The following UTRN variants were observed in gnomAD, a reference collection of about 807,000 sequenced individuals.
The protein encoded by UTRN is dystrophin-related protein 1.
A neutral mutation model predicts 463.9 loss-of-function variants in UTRN; 283 were observed. That is an observed-to-expected ratio of 0.61 (90% CI 0.55 to 0.67). The LOEUF is 0.67. Ranked by LOEUF, UTRN falls within the 30% of genes least tolerant of loss-of-function variation. The probability of loss-of-function intolerance (pLI) is 0.00; values close to 1 mark genes in which losing one functional copy is unlikely to be tolerated. For missense variants in UTRN, 3,922 were observed against 4,084.3 expected (o/e 0.96, Z 1.08); for synonymous variants, 1,442 against 1,431.5 (o/e 1.01, Z -0.17).
At chr6:144,516,157 C>A in intron 37 of UTRN, 72 bp from the exon 38 acceptor site, 1 of 1,461,322 alleles carries the variant, frequency 6.8e-7, no homozygotes, top group Non-Finnish European at 9.4e-7. Flanking sequence ...TCTCTTGACA[C>A]CCCATCTCTC....
At chr6:144,573,782 T>A (rs1486636984) in intron 50 of UTRN, among the ~76,000 whole-genome samples, 1 of 152,098 alleles carries the variant, frequency 6.6e-6, no homozygotes, top group East Asian at 1.9e-4. Flanking sequence ...GACTCAGGAA[T>A]ATGAAGGTAT....
At chr6:144,452,386 G>T (rs1402334840) in intron 18 of UTRN, among the ~76,000 whole-genome samples, 2 of 152,024 alleles carry the variant, frequency 1.3e-5, no homozygotes, top group African/African-American at 2.4e-5. Context: ...AAGTAATATG[G>T]GTTGCTCAGA....
intron 53 of UTRN, among the ~76,000 whole-genome samples, chr6:144,729,172 A>G (rs948238955): frequency 5.9e-5 from 9 of 152,166 alleles, no homozygotes; most frequent in African/African-American, 2.2e-4. Context: ...GGCTATCATG[A>G]GATTTTCTGG....
intron 50 of UTRN, among the ~76,000 whole-genome samples, chr6:144,561,786 C>A (rs1297513104): frequency 1.3e-5 from 2 of 152,152 alleles, no homozygotes; most frequent in East Asian, 1.9e-4. Context: ...TGTAAAAGTT[C>A]TTGGTAGGTA....
chr6:144,410,224 A>G (rs1283926077), intron 3 of UTRN, among the ~76,000 whole-genome samples: 4 of 152,128 alleles, frequency 2.6e-5, no homozygotes, highest in African/African-American at 7.2e-5. Flanking sequence ...CCTTTACACT[A>G]TCATAATCAG....
intron 2 of UTRN, among the ~76,000 whole-genome samples, chr6:144,336,710 C>T (rs189770736): frequency 1.1e-4 from 17 of 152,170 alleles, no homozygotes; most frequent in Admixed American, 3.9e-4. Context: ...AAAAATTACT[C>T]CCTCTTTCTT....
intron 2 of UTRN, among the ~76,000 whole-genome samples, chr6:144,292,879 A>AT (rs1292423698): frequency 1.3e-5 from 2 of 152,200 alleles, no homozygotes; most frequent in African/African-American, 4.8e-5. Flanking sequence ...AACTGTAGAA[A>AT]TACACAGTGA....
intron 2 of UTRN, among the ~76,000 whole-genome samples, chr6:144,393,526 A>T (rs1448584396): frequency 6.6e-6 from 1 of 152,208 alleles, no homozygotes; most frequent in Non-Finnish European, 1.5e-5. Context: ...TCCAGAAGAG[A>T]AATGGTAGAA....
chr6:144,596,763 T>C (rs1585470290), intron 51 of UTRN, among the ~76,000 whole-genome samples: 1 of 152,208 alleles, frequency 6.6e-6, no homozygotes, highest in African/African-American at 2.4e-5. Context: ...TTATTCTGTA[T>C]GCTTGAATAT....
chr6:144,461,361 G>A lies in UTRN; in HGVS notation c.2853+19G>A, dbSNP rs1382018355. On this transcript the variant is annotated intron_variant, in intron 22 of 74. Transcript: ENST00000367545. The stretch of plus-strand genomic sequence containing the variant: ...AAAAAAGGTAACATATATCTTCCAT[G>A]TTAGAACTCTAGCGCTTCTTCTAAT... 1 of 1,509,982 alleles carries A rather than the reference G, an allele frequency of 6.6e-7. No homozygotes were observed. Among genetic ancestry groups the A allele is most frequent in the Non-Finnish European group, 8.9e-7 (1 of 1,124,280 alleles). 93.5% of individuals were successfully genotyped at this position (1,509,982 alleles called of 1,614,324 possible). A position where few individuals can be genotyped will look rare whatever the true frequency, so the allele number is the denominator to read the frequency against.
intron 2 of UTRN, among the ~76,000 whole-genome samples, chr6:144,393,440 T>C (rs1263956204): frequency 6.6e-6 from 1 of 152,232 alleles, no homozygotes; most frequent in Non-Finnish European, 1.5e-5. Flanking sequence ...ACTTTGTATG[T>C]TGAAATCTTC....
At chr6:144,516,454 A>C in intron 38 of UTRN, 67 bp downstream of exon 38, 4 of 1,508,134 alleles carry the variant, frequency 2.7e-6, no homozygotes, top group Non-Finnish European at 3.6e-6. Flanking sequence ...TCATTTTTAC[A>C]TCAAGATGTT....
intron 25 of UTRN, 151 bp downstream of exon 25, chr6:144,474,910 G>GAT: frequency 1.2e-6 from 1 of 802,528 alleles, no homozygotes; most frequent in Non-Finnish European, 1.8e-6. Flanking sequence ...CAAAAAAAAA[G>GAT]GCATCATTTT....
rs1779938150 is a variant in UTRN at position 144,824,577 on chromosome 6, TA to T, written c.9495-2770del. On this transcript the variant is annotated intron_variant, in intron 66 of 74. Transcript: ENST00000367545. Reference sequence around the variant, plus strand: ...ATATTAATATAGCATTTTATTTATATATATATATATATATATATATATATAT... The same window carrying T: ...ATATTAATATAGCATTTTATTTATATTATATATATATATATATATATATAT... 1.9e-4 allele frequency among the ~76,000 whole-genome samples: 5 copies of T among 25,944 alleles called. 1 individual carries two copies. The highest frequency in any genetic ancestry group is 3.1e-3 in the East Asian group (2 of 638). The allele number at this position is 25,944 out of a possible 152,430, so 17.0% of individuals were successfully genotyped here.
rs150682783 is a variant in UTRN at position 144,681,248 on chromosome 6, C to T, written c.7652+2670C>T. ...GTAGGTGAAATAGACAGACGGGAGG[C>T]GGTGTCCAGAGACAGGTGGCAGGTA... On this transcript the variant is annotated intron_variant, in intron 52 of 74. Transcript: ENST00000367545. Among the ~76,000 whole-genome samples, 403 of 152,100 alleles carry T rather than the reference C, an allele frequency of 2.6e-3. 2 individuals carry two copies. Among genetic ancestry groups the T allele is most frequent in the African/African-American group, 9.0e-3 (375 of 41,504 alleles).
At position 144,573,698 on chromosome 6, in the gene UTRN, GAATAA is replaced by G. The variant is rs148232067; in HGVS notation, c.7290-3379_7290-3375del. The stretch of plus-strand genomic sequence containing the variant: ...GTGACAGAGCAAGACTCCATCTCTA[GAATAA>G]AATAAAATAAAATAAAATAAAGGAA... On this transcript the variant is annotated intron_variant, in intron 50 of 74. Transcript: ENST00000367545. Among the ~76,000 whole-genome samples, 20 of 149,984 alleles carry G rather than the reference GAATAA, an allele frequency of 1.3e-4. No homozygotes were observed. The East Asian group carries it at 1.6e-3, about 12-fold the overall frequency.
At chr6:144,299,449 AC>A (rs2114527523) in intron 2 of UTRN, among the ~76,000 whole-genome samples, 1 of 152,286 alleles carries the variant, frequency 6.6e-6, no homozygotes, top group African/African-American at 2.4e-5. Context: ...TTTTTCTTTT[AC>A]ACTGTATTTT....
At chr6:144,788,450 A>G (rs1227853743) in intron 61 of UTRN, among the ~76,000 whole-genome samples, 3 of 152,156 alleles carry the variant, frequency 2.0e-5, no homozygotes. Context: ...TTGTTTTTAG[A>G]TATATCACTA....
chr6:144,467,898 T>C (rs528651554), intron 23 of UTRN, among the ~76,000 whole-genome samples: 1 of 152,184 alleles, frequency 6.6e-6, no homozygotes, highest in Admixed American at 6.5e-5. Flanking sequence ...TGTCATTGTT[T>C]GTCTTCCCTA....
Sources: allele counts gnomAD v4.1 joint callset (sites outside exome capture counted in the v4.1 genomes callset), GRCh38; gene constraint gnomAD v4.1.1; transcripts MANE v1.5; gene names NCBI Gene and HGNC (gene_info 2026-07-23, HGNC 2026-07-21).